CPAP: variants seen among roughly 807,000 people sequenced by gnomAD.
CPAP encodes centrosomal P4.1-associated protein.
the CPAP span, among the ~76,000 whole-genome samples, chr13:24,920,784 C>CTTTTTTTTTTTTTTTTT: frequency 7.1e-6 from 1 of 140,164 alleles, no homozygotes. Flanking sequence ...CCATACCTGG[C>CTTTTTTTTTTTTTTTTT]TTTTTTTTTT....
chr13:24,897,404 T>C, the CPAP span, among the ~76,000 whole-genome samples: 43 of 152,330 alleles, frequency 2.8e-4, no homozygotes, highest in East Asian at 8.1e-3. Context: ...TTGATTTGTT[T>C]TGTTCACTGC....
chr13:24,905,842 T>C, the CPAP span: 1 of 1,614,224 alleles, frequency 6.2e-7, no homozygotes, highest in Non-Finnish European at 8.5e-7. Flanking sequence ...CACAGACTTG[T>C]GGGCTATCCT....
At chr13:24,930,661 T>C in the CPAP span, among the ~76,000 whole-genome samples, 1 of 152,238 alleles carries the variant, frequency 6.6e-6, no homozygotes, top group Non-Finnish European at 1.5e-5. Context: ...TTTTATGGCT[T>C]CATAGTATCC....
At chr13:24,928,991 C>A in the CPAP span, among the ~76,000 whole-genome samples, 1 of 151,456 alleles carries the variant, frequency 6.6e-6, no homozygotes, top group Admixed American at 6.6e-5. Flanking sequence ...AGTTTTCACA[C>A]CTGTATTTTT....
chr13:24,892,676 G>A, the CPAP span: 9 of 1,613,924 alleles, frequency 5.6e-6, no homozygotes, highest in Admixed American at 3.3e-5. Flanking sequence ...CCTCGAGGCT[G>A]CTCTCTATGG....
chr13:24,905,356 G>T, the CPAP span: 1 of 1,614,018 alleles, frequency 6.2e-7, no homozygotes, highest in African/African-American at 1.3e-5. Flanking sequence ...CAGGTGGTTG[G>T]TCTTGACTTA....
At chr13:24,918,695 A>G in the CPAP span, among the ~76,000 whole-genome samples, 1 of 152,190 alleles carries the variant, frequency 6.6e-6, no homozygotes. Context: ...TTTGTGTCTA[A>G]AAAACATAAA....
chr13:24,894,530 G>A, the CPAP span, among the ~76,000 whole-genome samples: 3 of 152,238 alleles, frequency 2.0e-5, no homozygotes, highest in Admixed American at 1.3e-4. Flanking sequence ...GCTGCAGGGC[G>A]TGTGGCGAAA....
the CPAP span, chr13:24,882,905 A>G: frequency 2.3e-6 from 1 of 441,374 alleles, no homozygotes; most frequent in Non-Finnish European, 4.2e-6. Flanking sequence ...TAACCAATAA[A>G]CACACCCACT....
the CPAP span, among the ~76,000 whole-genome samples, chr13:24,896,443 A>T: frequency 6.6e-6 from 1 of 152,258 alleles, no homozygotes; most frequent in Non-Finnish European, 1.5e-5. Context: ...TAAGTCCTGG[A>T]AATGTAGCTA....
the CPAP span, chr13:24,885,133 G>A: frequency 4.1e-4 from 266 of 654,760 alleles, no homozygotes; most frequent in Middle Eastern, 1.6e-3. Context: ...ATTGTATGCC[G>A]CCTTTTGCTG....
At chr13:24,883,883 G>A in the CPAP span, 6,227 of 1,551,944 alleles carry the variant, frequency 4.0e-3, 221 homozygotes, top group African/African-American at 0.073. Context: ...CATCAGAAAC[G>A]CAAGGCTGGG....
chr13:24,931,302 G>GTTTTTTTTTTTTTTT, the CPAP span, among the ~76,000 whole-genome samples: 2 of 9,062 alleles, frequency 2.2e-4, no homozygotes, highest in African/African-American at 9.0e-4. Flanking sequence ...ATTTTTTCAT[G>GTTTTTTTTTTTTTTT]TTTCTTTTTT....
chr13:24,902,084 G>A, the CPAP span, among the ~76,000 whole-genome samples: 1 of 152,130 alleles, frequency 6.6e-6, no homozygotes, highest in Admixed American at 6.5e-5. Context: ...TGGCACTGAG[G>A]CTCTCTGTCA....
the CPAP span, chr13:24,883,394 T>G: frequency 2.6e-6 from 4 of 1,522,422 alleles, no homozygotes; most frequent in Admixed American, 7.5e-5. Context: ...AAAAATATGA[T>G]TTCTTAAAAA....
At chr13:24,902,563 TA>T in the CPAP span, among the ~76,000 whole-genome samples, 5 of 152,378 alleles carry the variant, frequency 3.3e-5, no homozygotes, top group Admixed American at 2.6e-4. Flanking sequence ...TAGCTGTCTA[TA>T]AACCTTTATC....
chr13:24,905,936 T>A, the CPAP span: 1 of 1,614,158 alleles, frequency 6.2e-7, no homozygotes, highest in Admixed American at 1.7e-5. Flanking sequence ...AGTGCTACTG[T>A]CACTATTTGG....
the CPAP span, chr13:24,883,447 A>C: frequency 8.3e-7 from 1 of 1,203,564 alleles, no homozygotes; most frequent in East Asian, 2.6e-5. Context: ...ACTGAAAAGT[A>C]GCCTTTTGAG....
the CPAP span, among the ~76,000 whole-genome samples, chr13:24,901,142 TAA>T: frequency 6.6e-6 from 1 of 152,028 alleles, no homozygotes; most frequent in Non-Finnish European, 1.5e-5. Context: ...ACAGAAAAGG[TAA>T]AAGACATTCT....
Sources: gnomAD v4.1 joint callset for allele counts (sites outside exome capture counted in the v4.1 genomes callset) on GRCh38, gnomAD v4.1.1 for gene constraint, MANE v1.5 for transcripts, NCBI Gene and HGNC (gene_info 2026-07-23, HGNC 2026-07-21) for gene names.